SLC15A4: variants seen among roughly 807,000 people sequenced by gnomAD.
SLC15A4 encodes the protein solute carrier family 15 member 4.
A neutral mutation model predicts 46.1 loss-of-function variants in SLC15A4; 26 were observed. That is an observed-to-expected ratio of 0.56 (90% CI 0.41 to 0.78). SLC15A4 has a LOEUF of 0.78. SLC15A4 is among the 30% of genes least tolerant of loss of function. The probability of loss-of-function intolerance (pLI) is 0.00; values close to 1 mark genes in which losing one functional copy is unlikely to be tolerated. For synonymous variants in SLC15A4, 370 were observed against 333.4 expected, an observed-to-expected ratio of 1.11 and a Z score of -1.20; for missense variants, 751 against 755.7, an observed-to-expected ratio of 0.99 and a Z score of 0.07.
At chr12:128,810,463 A>T (rs1013769668) in intron 2 of SLC15A4, 3 of 269,678 alleles carry the variant, frequency 1.1e-5, no homozygotes, top group African/African-American at 6.7e-5. Context: ...CTGCAGCTCT[A>T]CGTGACACTG....
At chr12:128,813,410 A>G (rs1226526768) in intron 2 of SLC15A4, 1 of 152,204 alleles carries the variant, frequency 6.6e-6, no homozygotes, top group Non-Finnish European at 1.5e-5. Context: ...GGCATTTCCA[A>G]TAGGTCATGT....
chr12:128,819,044 A>G (rs192302513), intron 1 of SLC15A4, among the ~76,000 whole-genome samples: 176 of 152,330 alleles, frequency 1.2e-3, no homozygotes, highest in African/African-American at 4.1e-3. Flanking sequence ...AATGTATAGA[A>G]AAGTTGAATT....
Position 128,794,181 on chromosome 12 carries a change from A to G in SLC15A4, c.*15T>C, listed in dbSNP as rs770718448. The stretch of plus-strand genomic sequence containing the variant: ...GACATGTCAGCCTCAGAAACCGCAC[A>G]TGGCCTCAGGAAGGTCAGGCCCTCC... On this transcript the variant is annotated 3_prime_UTR_variant, in exon 8 of 8. Transcript: ENST00000266771. 1.2e-5 allele frequency: 19 copies of G among 1,599,662 alleles called. No individual in the cohort carries two copies. The highest frequency in any genetic ancestry group is 1.6e-5 in the Non-Finnish European group (19 of 1,171,702).
Position 128,823,896 on chromosome 12 carries a change from G to C in SLC15A4, c.48C>G (p.Gly16=), listed in dbSNP as rs1955897283. The C allele has an allele frequency of 1.1e-6, 1 of 915,472 alleles. No homozygotes were observed. Among genetic ancestry groups the C allele is most frequent in the Non-Finnish European group, 1.3e-6 (1 of 768,604 alleles). The allele number at this position is 915,472 out of a possible 1,614,324, so 56.7% of individuals were successfully genotyped here. ...GGAGERAPLL[G]ARRAAAAAAA... is the part of the protein sequence containing the mutation. ...CCGCGGCCGCCGCCGCCCGCCGCGC[G>C]CCCAGCAGCGGCGCCCGCTCGCCCG... The change falls in exon 1 of 8, where the codon GGC becomes GGG. Residue 16 remains glycine (G), a synonymous_variant. Coordinates refer to ENST00000266771, the MANE Select transcript of SLC15A4 (RefSeq NM_145648.4).
intron 1 of SLC15A4, among the ~76,000 whole-genome samples, chr12:128,817,377 C>T (rs763848686): frequency 7.2e-5 from 11 of 152,154 alleles, no homozygotes; most frequent in Non-Finnish European, 1.2e-4. Flanking sequence ...GAAAACAAAA[C>T]TAGAAGTGCG....
At chr12:128,801,650 C>G (rs934449963) in intron 5 of SLC15A4, 2 of 152,136 alleles carry the variant, frequency 1.3e-5, no homozygotes, top group Middle Eastern at 3.2e-3. Context: ...ATGAGAAAAA[C>G]AAGCAAGGGC....
At chr12:128,800,133 G>A (rs982957533) in intron 6 of SLC15A4, among the ~76,000 whole-genome samples, 1 of 152,134 alleles carries the variant, frequency 6.6e-6, no homozygotes, top group East Asian at 1.9e-4. Flanking sequence ...ATGAGCCACC[G>A]TGACAAGGGC....
At chr12:128,799,462 T>C in intron 6 of SLC15A4, 45 bp from the exon 7 acceptor site, 1 of 1,606,296 alleles carries the variant, frequency 6.2e-7, no homozygotes, top group East Asian at 2.2e-5. Context: ...AGGGGCACTT[T>C]AACACATGGG....
At position 128,809,481 on chromosome 12, in the gene SLC15A4, T is replaced by C. The variant is rs565268025; in HGVS notation, c.1012-8A>G. 139 of 1,577,170 alleles carry C rather than the reference T, an allele frequency of 8.8e-5. 1 individual carries two copies. Among genetic ancestry groups the C allele is most frequent in the Non-Finnish European group, 1.1e-4 (122 of 1,153,672 alleles). Reference sequence around the variant, plus strand: ...AACATATGTTGTCTGCATCTAGGTATAAAAAACAGTATCATTATATGTGGA... The same window carrying C: ...AACATATGTTGTCTGCATCTAGGTACAAAAAACAGTATCATTATATGTGGA... On this transcript the variant is annotated splice_region_variant and splice_polypyrimidine_tract_variant and intron_variant, in intron 3 of 7. Transcript: ENST00000266771.
rs1458502135 is a variant in SLC15A4 at position 128,793,632 on chromosome 12, C to A, written c.*564G>T. On this transcript the variant is annotated 3_prime_UTR_variant, in exon 8 of 8. Transcript: ENST00000266771. ...GCAGATGAAATGTGTTTACTACCAG[C>A]CTAAATCAAAGAACATGGCAAGAGC... The A allele has an allele frequency of 1.3e-5, 2 of 152,040 alleles. No individual in the cohort carries two copies. Among genetic ancestry groups the A allele is most frequent in the Non-Finnish European group, 2.9e-5 (2 of 68,046 alleles). The allele number at this position is 152,040 out of a possible 1,614,324, so 9.4% of individuals were successfully genotyped here.
At chr12:128,809,000 G>T (rs758344227) in intron 4 of SLC15A4, 44 bp from the exon 5 acceptor site, 6 of 1,569,772 alleles carry the variant, frequency 3.8e-6, no homozygotes. Context: ...CCGCAATACA[G>T]GCCATCACCT....
Position 128,809,637 on chromosome 12 carries a change from C to T in SLC15A4, c.1012-164G>A, listed in dbSNP as rs986699239. On this transcript the variant is annotated intron_variant, in intron 3 of 7. Coordinates refer to ENST00000266771, the MANE Select transcript of SLC15A4 (RefSeq NM_145648.4). ...ACAGACAGGTCAATGATTTGGTCAT[C>T]GTAAAGTCCTCTGGAGATCAATTTT... 15 of 584,156 alleles carry T rather than the reference C, an allele frequency of 2.6e-5. No homozygotes were observed. The Middle Eastern group carries it at 7.8e-4, about 30-fold the overall frequency. The allele number at this position is 584,156 out of a possible 1,614,324, so 36.2% of individuals were successfully genotyped here. A position where few individuals can be genotyped will look rare whatever the true frequency, so the allele number is the denominator to read the frequency against.
chr12:128,823,395 C>T lies in SLC15A4; in HGVS notation c.546+3G>A. The T allele has an allele frequency of 7.0e-7, 1 of 1,420,864 alleles. No homozygotes were observed. The highest frequency in any genetic ancestry group is 9.1e-7 in the Non-Finnish European group (1 of 1,093,866). The allele number at this position is 1,420,864 out of a possible 1,614,324, so 88.0% of individuals were successfully genotyped here. A position where few individuals can be genotyped will look rare whatever the true frequency, so the allele number is the denominator to read the frequency against. ...AGGGACAGCGCGCGGGGGCGCGGCT[C>T]ACCTGGTCGGCGCCGAAGGGCGTGA... On this transcript the variant is annotated splice_donor_region_variant and intron_variant, in intron 1 of 7. Coordinates refer to ENST00000266771, the MANE Select transcript of SLC15A4 (RefSeq NM_145648.4).
At position 128,823,469 on chromosome 12, in the gene SLC15A4, C is replaced by A; in HGVS notation, c.475G>T (p.Ala159Ser). Residue 159 changes from alanine (A) to serine (S), a missense_variant, in exon 1 of 8, where the codon GCG becomes TCG. Transcript: ENST00000266771. ...AARCCSPATF[A>S]GLVLVGLGVA... ...CCCAGGCCCACCAGCACCAGCCCCG[C>A]GAAGGTGGCCGGTGAGCAGCAGCGG... is the stretch of plus-strand genomic sequence containing the variant. 1 of 1,482,124 alleles carries A rather than the reference C, an allele frequency of 6.7e-7. No individual in the cohort carries two copies. The highest frequency in any genetic ancestry group is 8.9e-7 in the Non-Finnish European group (1 of 1,123,404). The allele number at this position is 1,482,124 out of a possible 1,614,324, so 91.8% of individuals were successfully genotyped here.
intron 2 of SLC15A4, chr12:128,813,315 T>C (rs11059930): frequency 0.095 from 14,390 of 151,982 alleles, 932 homozygotes; most frequent in Admixed American, 0.2. Context: ...CTCAGCCTCC[T>C]GTACTTTAAT....
At chr12:128,794,834 A>C (rs1201725375) in intron 7 of SLC15A4, among the ~76,000 whole-genome samples, 2 of 152,190 alleles carry the variant, frequency 1.3e-5, no homozygotes, top group African/African-American at 4.8e-5. Context: ...TAATCCCCCC[A>C]CACCAGAACA....
At chr12:128,813,370 TTA>T (rs1472826999) in intron 2 of SLC15A4, 2 of 152,186 alleles carry the variant, frequency 1.3e-5, no homozygotes, top group Non-Finnish European at 2.9e-5. Context: ...CAGTTTTGAA[TTA>T]TGTGTCTGAA....
Position 128,810,055 on chromosome 12 carries a change from T to A in SLC15A4, c.899A>T (p.Lys300Met). Reference sequence around the variant, plus strand: ...TGTAAATGGCCCACCATGAGACATCTTACATGAATCAAACAGACTTTGTTT... The same window carrying A: ...TGTAAATGGCCCACCATGAGACATCATACATGAATCAAACAGACTTTGTTT... ...SSKQSLFDSC[K>M]MSHGGPFTEE... Residue 300 changes from lysine to methionine, a missense_variant, in exon 3 of 8, where the codon AAG becomes ATG. Lys to Met is a moderately conservative substitution (Grantham distance 95). Coordinates refer to ENST00000266771, the MANE Select transcript of SLC15A4 (RefSeq NM_145648.4). 1 of 1,614,166 alleles carries A rather than the reference T, an allele frequency of 6.2e-7. No homozygotes were observed. The highest frequency in any genetic ancestry group is 8.5e-7 in the Non-Finnish European group (1 of 1,180,022).
chr12:128,806,329 T>C (rs1955589205), intron 5 of SLC15A4, among the ~76,000 whole-genome samples: 1 of 152,118 alleles, frequency 6.6e-6, no homozygotes, highest in African/African-American at 2.4e-5. Context: ...TAAACGTCAC[T>C]AATAACGTGT....
Sources: gnomAD v4.1 joint callset for allele counts (sites outside exome capture counted in the v4.1 genomes callset) on GRCh38, gnomAD v4.1.1 for gene constraint, MANE v1.5 for transcripts, NCBI Gene and HGNC (gene_info 2026-07-23, HGNC 2026-07-21) for gene names.